The following ELAVL4 variants were observed in gnomAD, a reference collection of about 807,000 sequenced individuals.
ELAVL4 encodes the protein ELAV like RNA binding protein 4, also known as ELAV-like protein 4.
A neutral mutation model predicts 35.6 loss-of-function variants in ELAVL4; 1 was observed. That is an observed-to-expected ratio of 0.03 (90% CI 0.01 to 0.13). ELAVL4 has a LOEUF of 0.13. Among genes scored for constraint, ELAVL4 ranks in the 10% least tolerant of loss-of-function variants. The pLI is 1.00. For synonymous variants in ELAVL4, 156 were observed against 171.0 expected (o/e 0.91, Z 0.69); for missense variants, 267 against 464.9 (o/e 0.57, Z 3.91).
intron 1 of ELAVL4, chr1:50,109,926 T>G (rs752626323): frequency 6.2e-7 from 1 of 1,612,392 alleles, no homozygotes; most frequent in Non-Finnish European, 8.5e-7. Context: ...AGGGTCCATC[T>G]TCTTCTGATC....
chr1:50,087,257 A>G (rs1245620746), intron 1 of ELAVL4, among the ~76,000 whole-genome samples: 1 of 152,206 alleles, frequency 6.6e-6, no homozygotes, highest in East Asian at 1.9e-4. Flanking sequence ...TTTTTAAACC[A>G]ATATAATGAG....
intron 3 of ELAVL4, among the ~76,000 whole-genome samples, chr1:50,191,315 T>C (rs1220239036): frequency 2.6e-5 from 4 of 152,142 alleles, no homozygotes; most frequent in African/African-American, 9.7e-5. Context: ...CTTTCAGTCC[T>C]TCCAGCCCCA....
Position 50,148,464 on chromosome 1 carries a change from C to A in ELAVL4, c.250+3267C>A, listed in dbSNP as rs543226762. ...GCCTTTGTCTTCCTTCAGAGTAGAA[C>A]CAAATTTACTGAAAATGCCAGTTTT... On this transcript the variant is annotated intron_variant, in intron 2 of 6. Coordinates refer to ENST00000371824, the MANE Select transcript of ELAVL4 (RefSeq NM_001144774.3). Among the ~76,000 whole-genome samples the A allele has an allele frequency of 5.3e-5, 8 of 152,282 alleles. No individual in the cohort carries two copies. In the South Asian group the frequency reaches 1.0e-3, roughly 20 times the overall value.
At chr1:50,086,741 G>A (rs1434548734) in intron 1 of ELAVL4, among the ~76,000 whole-genome samples, 21 of 152,002 alleles carry the variant, frequency 1.4e-4, no homozygotes, top group Admixed American at 1.4e-3. Context: ...TGGGAGTGGT[G>A]CACCCTCCAC....
intron 1 of ELAVL4, among the ~76,000 whole-genome samples, chr1:50,137,261 T>C (rs998670383): frequency 6.6e-6 from 1 of 152,096 alleles, no homozygotes; most frequent in Non-Finnish European, 1.5e-5. Flanking sequence ...GGCAGGATGG[T>C]AAGAAGACTA....
chr1:50,121,530 G>A (rs1407933505), intron 1 of ELAVL4, among the ~76,000 whole-genome samples: 1 of 152,054 alleles, frequency 6.6e-6, no homozygotes, highest in Non-Finnish European at 1.5e-5. Flanking sequence ...GTTGTGATAT[G>A]AAGCTGTGGT....
chr1:50,111,289 G>A (rs1475572917), intron 1 of ELAVL4, among the ~76,000 whole-genome samples: 1 of 150,714 alleles, frequency 6.6e-6, no homozygotes. Context: ...TTGTACATGC[G>A]AAAAATCGCA....
chr1:50,079,509 A>G lies in ELAVL4; in HGVS notation c.18+31327A>G, dbSNP rs4619017. Among the ~76,000 whole-genome samples the G allele has an allele frequency of 8.1e-3, 1,228 of 152,282 alleles. 9 individuals are homozygous for G. The highest frequency in any genetic ancestry group is 0.031 in the Middle Eastern group (9 of 294). The stretch of plus-strand genomic sequence containing the variant: ...TGTCAGGTCTTTATACCCTATGTTG[A>G]TCACTCACTGGATGTGGACACCTCA... On this transcript the variant is annotated intron_variant, in intron 1 of 6. Transcript: ENST00000448907.
At chr1:50,149,381 ACT>A (rs1295740302) in intron 2 of ELAVL4, among the ~76,000 whole-genome samples, 3 of 150,732 alleles carry the variant, frequency 2.0e-5, no homozygotes, top group East Asian at 3.9e-4. Context: ...CAAGTACGAA[ACT>A]CTGTCTCAAA....
At chr1:50,072,175 G>A (rs1044920578) in intron 1 of ELAVL4, among the ~76,000 whole-genome samples, 6 of 152,148 alleles carry the variant, frequency 3.9e-5, no homozygotes, top group African/African-American at 1.4e-4. Context: ...CTAGAGTCAA[G>A]ACAGAAATGG....
chr1:50,106,924 A>T (rs905592547), upstream of ELAVL4, among the ~76,000 whole-genome samples: 1 of 152,196 alleles, frequency 6.6e-6, no homozygotes, highest in Non-Finnish European at 1.5e-5. Context: ...AAGTGTACTG[A>T]GGTTAGTATG....
intron 1 of ELAVL4, among the ~76,000 whole-genome samples, chr1:50,088,474 CA>C (rs1485419398): frequency 6.6e-6 from 1 of 152,198 alleles, no homozygotes; most frequent in African/African-American, 2.4e-5. Context: ...GCATCTCTAA[CA>C]AAACTCAGAG....
At chr1:50,089,281 G>C (rs1163176332) in intron 1 of ELAVL4, among the ~76,000 whole-genome samples, 1 of 152,174 alleles carries the variant, frequency 6.6e-6, no homozygotes, top group Admixed American at 6.5e-5. Context: ...ACCTAATGCA[G>C]ATTCTTAAAA....
At chr1:50,072,433 T>A (rs1664573031) in intron 1 of ELAVL4, among the ~76,000 whole-genome samples, 1 of 152,208 alleles carries the variant, frequency 6.6e-6, no homozygotes, top group South Asian at 2.1e-4. Flanking sequence ...GAGCATGCTT[T>A]GTCCACACAG....
intron 1 of ELAVL4, among the ~76,000 whole-genome samples, chr1:50,126,805 T>G (rs1255969724): frequency 6.6e-6 from 1 of 151,936 alleles, no homozygotes; most frequent in Non-Finnish European, 1.5e-5. Flanking sequence ...AAAACAAAAC[T>G]CCCCCATGAA....
chr1:50,104,524 G>A (rs2148516864), upstream of ELAVL4, among the ~76,000 whole-genome samples: 1 of 152,274 alleles, frequency 6.6e-6, no homozygotes, highest in Admixed American at 6.5e-5. Context: ...AAAGATGAAG[G>A]ACATAGTCAC....
chr1:50,158,377 T>C (rs1177634877), intron 2 of ELAVL4, among the ~76,000 whole-genome samples: 1 of 152,202 alleles, frequency 6.6e-6, no homozygotes, highest in African/African-American at 2.4e-5. Flanking sequence ...TCCAGGGTCG[T>C]ATGCCTAGTT....
At chr1:50,193,648 A>T in intron 3 of ELAVL4, 117 bp from the exon 4 acceptor site, 1 of 1,314,610 alleles carries the variant, frequency 7.6e-7, no homozygotes, top group Non-Finnish European at 1.0e-6. Flanking sequence ...TGAGTGATTT[A>T]AACTGACACC....
intron 3 of ELAVL4, among the ~76,000 whole-genome samples, chr1:50,191,235 C>T (rs184208797): frequency 2.1e-4 from 32 of 152,266 alleles, no homozygotes; most frequent in Admixed American, 5.9e-4. Flanking sequence ...GTACCTGGCT[C>T]ATAGTAGATC....
Sources: gnomAD v4.1 joint callset for allele counts (sites outside exome capture counted in the v4.1 genomes callset) on GRCh38, gnomAD v4.1.1 for gene constraint, MANE v1.5 for transcripts, NCBI Gene and HGNC (gene_info 2026-07-23, HGNC 2026-07-21) for gene names.